Variants in DCUN1D3 observed in about 807,000 individuals in gnomAD.
DCUN1D3 encodes DCN1-like protein 3.
DCUN1D3 carries 6 observed loss-of-function variants against 24.8 expected under a neutral mutation model. The ratio of observed to expected loss-of-function variants is 0.24; its 90% CI spans 0.13 to 0.48. The LOEUF is 0.48. DCUN1D3 is among the 20% of genes least tolerant of loss of function. DCUN1D3 has a pLI of 0.99. For missense variants in DCUN1D3, 258 were observed against 379.4 expected (o/e 0.68, Z 2.66); for synonymous variants, 120 against 144.9 (o/e 0.83, Z 1.24).
At chr16:20,863,328 C>T (rs905595424) in intron 1 of DCUN1D3, among the ~76,000 whole-genome samples, 1 of 152,236 alleles carries the variant, frequency 6.6e-6, no homozygotes, top group Non-Finnish European at 1.5e-5. Flanking sequence ...TGAGGAGCTT[C>T]TTCTCCCCCA....
In DCUN1D3 at chr16:20,859,540, C is replaced by CAAAAAAAAAAAAA. The variant is rs61506075; in HGVS notation, c.*333_*345dup. ...CGCCCTGCTCTATGCCCTCCCCTAC[C>CAAAAAAAAAAAAA]AAAAAAAAAAAAAAAAAAACAAAAA... is the stretch of plus-strand genomic sequence containing the variant. On this transcript the variant is annotated 3_prime_UTR_variant, in exon 3 of 3. Transcript: ENST00000324344. 9.8e-5 allele frequency: 7 copies of CAAAAAAAAAAAAA among 71,478 alleles called. No homozygotes were observed. The highest frequency in any genetic ancestry group is 4.2e-4 in the Admixed American group (2 of 4,708). 4.4% of individuals were successfully genotyped at this position (71,478 alleles called of 1,614,324 possible).
chr16:20,887,944 A>T (rs1186654935), intron 1 of DCUN1D3, among the ~76,000 whole-genome samples: 2 of 152,180 alleles, frequency 1.3e-5, no homozygotes, highest in Non-Finnish European at 2.9e-5. Flanking sequence ...TTTCAGGAGG[A>T]AGATTTTCCA....
chr16:20,888,853 G>A (rs538754104), intron 1 of DCUN1D3, among the ~76,000 whole-genome samples: 29 of 152,094 alleles, frequency 1.9e-4, no homozygotes, highest in African/African-American at 6.5e-4. Flanking sequence ...TTGGGAGGCC[G>A]AGGCAGGTGG....
In DCUN1D3 at chr16:20,887,031, A is replaced by G. The variant is rs977575293; in HGVS notation, c.-106+13173T>C. On this transcript the variant is annotated intron_variant, in intron 1 of 2. Coordinates refer to ENST00000324344, the MANE Select transcript of DCUN1D3 (RefSeq NM_173475.4). ...ATACACATTAAAAAACAGAACTAGT[A>G]GGCTGGGCGCTGTGGCTCACACCTG... 3.9e-5 allele frequency among the ~76,000 whole-genome samples: 6 copies of G among 152,222 alleles called. 1 individual carries two copies. The highest frequency in any genetic ancestry group is 1.4e-4 in the African/African-American group (6 of 41,462).
chr16:20,893,715 C>T (rs1167608971), intron 1 of DCUN1D3, among the ~76,000 whole-genome samples: 1 of 152,194 alleles, frequency 6.6e-6, no homozygotes, highest in Non-Finnish European at 1.5e-5. Flanking sequence ...CAAAGCCCAG[C>T]TTGAAATAAA....
chr16:20,896,272 C>T (rs1010405293), intron 1 of DCUN1D3: 5 of 152,176 alleles, frequency 3.3e-5, no homozygotes, highest in Admixed American at 2.0e-4. Flanking sequence ...AATCTGATTA[C>T]CTTTTAGTCG....
chr16:20,883,992 G>A (rs1410523896), intron 1 of DCUN1D3, among the ~76,000 whole-genome samples: 2 of 152,166 alleles, frequency 1.3e-5, no homozygotes, highest in Non-Finnish European at 2.9e-5. Flanking sequence ...TATTTTAGGA[G>A]TGAAAAGATT....
chr16:20,888,803 T>A (rs993940081), intron 1 of DCUN1D3, among the ~76,000 whole-genome samples: 1 of 152,188 alleles, frequency 6.6e-6, no homozygotes, highest in South Asian at 2.1e-4. Flanking sequence ...AAAAGTAACA[T>A]GGGCCAGGTG....
At chr16:20,898,010 C>G (rs2081925373) in intron 1 of DCUN1D3, among the ~76,000 whole-genome samples, 1 of 152,194 alleles carries the variant, frequency 6.6e-6, no homozygotes, top group African/African-American at 2.4e-5. Flanking sequence ...CCTCTCTGAC[C>G]TTATCTCCAA....
chr16:20,875,226 ACAC>A (rs1567425657), intron 1 of DCUN1D3, among the ~76,000 whole-genome samples: 5 of 127,064 alleles, frequency 3.9e-5, no homozygotes, highest in Non-Finnish European at 8.5e-5. Flanking sequence ...ACACACACAC[ACAC>A]ACACACACAC....
intron 1 of DCUN1D3, among the ~76,000 whole-genome samples, chr16:20,864,410 A>G (rs1024271301): frequency 6.6e-6 from 1 of 152,194 alleles, no homozygotes; most frequent in Admixed American, 6.5e-5. Context: ...ACTGATCATT[A>G]GAGAAATGCA....
intron 1 of DCUN1D3, among the ~76,000 whole-genome samples, chr16:20,885,298 C>T (rs1445801151): frequency 6.6e-6 from 1 of 152,036 alleles, no homozygotes; most frequent in African/African-American, 2.4e-5. Context: ...TTAACCTAAT[C>T]TTCACTAGTA....
At chr16:20,872,564 G>A (rs1053114584) in intron 1 of DCUN1D3, among the ~76,000 whole-genome samples, 2 of 151,812 alleles carry the variant, frequency 1.3e-5, no homozygotes, top group Admixed American at 1.3e-4. Flanking sequence ...ATAGCAGACA[G>A]GAAGAGGAAG....
intron 1 of DCUN1D3, among the ~76,000 whole-genome samples, chr16:20,876,327 A>G (rs2081815126): frequency 1.3e-5 from 2 of 152,162 alleles, no homozygotes; most frequent in Non-Finnish European, 1.5e-5. Context: ...GGAGACATGA[A>G]AATAGCCAGC....
chr16:20,890,277 T>C (rs2081886450), intron 1 of DCUN1D3, among the ~76,000 whole-genome samples: 1 of 152,108 alleles, frequency 6.6e-6, no homozygotes, highest in Admixed American at 6.5e-5. Context: ...AACGTACAAA[T>C]ACCCAATACC....
chr16:20,888,301 C>T (rs9925275), intron 1 of DCUN1D3, among the ~76,000 whole-genome samples: 94,822 of 151,988 alleles, frequency 0.62, 30,715 homozygotes, highest in Non-Finnish European at 0.72. Flanking sequence ...TCCTCACAAC[C>T]ATTTACTGTG....
intron 1 of DCUN1D3, among the ~76,000 whole-genome samples, chr16:20,885,431 G>C (rs1453932381): frequency 2.0e-5 from 3 of 151,762 alleles, no homozygotes; most frequent in Non-Finnish European, 4.4e-5. Context: ...CCTTTACAGC[G>C]TGTTAACTCA....
intron 1 of DCUN1D3, among the ~76,000 whole-genome samples, chr16:20,875,251 CACACAA>C (rs1249854084): frequency 6.7e-6 from 1 of 149,260 alleles, no homozygotes; most frequent in Non-Finnish European, 1.5e-5. Context: ...CACACACACA[CACACAA>C]ATGTTGCATC....
chr16:20,891,670 CTGGACCAGGG>C (rs1456772100), intron 1 of DCUN1D3, among the ~76,000 whole-genome samples: 2 of 152,156 alleles, frequency 1.3e-5, no homozygotes, highest in African/African-American at 4.8e-5. Context: ...GTGGTCTAGC[CTGGACCAGGG>C]ATAACTCCTG....
Sources: gnomAD v4.1 joint callset for allele counts (sites outside exome capture counted in the v4.1 genomes callset) on GRCh38, gnomAD v4.1.1 for gene constraint, MANE v1.5 for transcripts, NCBI Gene and HGNC (gene_info 2026-07-23, HGNC 2026-07-21) for gene names.